Variants in ANXA4 observed in about 807,000 individuals in gnomAD.
ANXA4 encodes the protein annexin A4.
ANXA4 carries 39 observed loss-of-function variants against 49.8 expected under a neutral mutation model. That is an observed-to-expected ratio of 0.78 (90% CI 0.61 to 1.02). The LOEUF (loss-of-function observed/expected upper bound fraction) is 1.02. ANXA4 is among the 50% of genes least tolerant of loss of function. ANXA4 has a pLI of 0.00. For synonymous variants in ANXA4, 134 were observed against 152.5 expected, an observed-to-expected ratio of 0.88 and a Z score of 0.89; for missense variants, 360 against 410.1, an observed-to-expected ratio of 0.88 and a Z score of 1.05.
chr2:69,643,875 C>T (rs985831022), upstream of ANXA4: 25 of 1,176,248 alleles, frequency 2.1e-5, no homozygotes, highest in South Asian at 4.3e-5. Flanking sequence ...CGTTCTGTCG[C>T]CACGGATGGG....
chr2:69,684,830 C>T (rs1677729336), intron 2 of ANXA4, among the ~76,000 whole-genome samples: 1 of 152,020 alleles, frequency 6.6e-6, no homozygotes, highest in Non-Finnish European at 1.5e-5. Context: ...TTTTTCTCCA[C>T]ATGTTATCAG....
intron 10 of ANXA4, 78 bp downstream of exon 10, chr2:69,818,772 A>G (rs1674109400): frequency 2.2e-6 from 2 of 892,386 alleles, no homozygotes; most frequent in Non-Finnish European, 3.5e-6. Flanking sequence ...ATGGGGATAT[A>G]GAATTATTTT....
chr2:69,713,340 T>C (rs909880325), intron 2 of ANXA4, among the ~76,000 whole-genome samples: 1 of 151,986 alleles, frequency 6.6e-6, no homozygotes, highest in African/African-American at 2.4e-5. Flanking sequence ...TCACTCATTC[T>C]CCCCAAGGAA....
At chr2:69,716,934 C>A (rs889147849) in intron 2 of ANXA4, among the ~76,000 whole-genome samples, 1 of 152,204 alleles carries the variant, frequency 6.6e-6, no homozygotes, top group Non-Finnish European at 1.5e-5. Context: ...CTACTACTGG[C>A]CAAGCACTGT....
chr2:69,759,129 CAAAAAAAAA>C lies in ANXA4; in HGVS notation c.-47+16965_-47+16973del, dbSNP rs35878649. Among the ~76,000 whole-genome samples the C allele has an allele frequency of 2.5e-5, 3 of 118,848 alleles. No individual in the cohort carries two copies. The South Asian group carries it at 8.5e-4, about 34-fold the overall frequency. 78.0% of individuals were successfully genotyped at this position (118,848 alleles called of 152,430 possible). A position where few individuals can be genotyped will look rare whatever the true frequency, so the allele number is the denominator to read the frequency against. On this transcript the variant is annotated intron_variant, in intron 1 of 12. Transcript: ENST00000394295. ...CCAGCGACAGAGAGAGACTCTGTCTCAAAAAAAAAAAAAAAAAAAGATTATAATTCTGAG... is the reference window on the plus strand; with the variant it reads ...CCAGCGACAGAGAGAGACTCTGTCTCAAAAAAAAAAGATTATAATTCTGAG...
chr2:69,820,847 A>G (rs1484387303), intron 12 of ANXA4, 26 bp downstream of exon 12: 4 of 1,610,574 alleles, frequency 2.5e-6, no homozygotes, highest in African/African-American at 1.3e-5. Flanking sequence ...CTAAGTCCAG[A>G]GTAAAGGATC....
At chr2:69,667,529 G>T (rs1021946433) in intron 2 of ANXA4, among the ~76,000 whole-genome samples, 1 of 152,044 alleles carries the variant, frequency 6.6e-6, no homozygotes, top group Non-Finnish European at 1.5e-5. Context: ...TCAGTCCGAT[G>T]TACAAAATAC....
chr2:69,698,335 GA>G lies in ANXA4; in HGVS notation n.767-22437del, dbSNP rs200142467. Among the ~76,000 whole-genome samples the G allele has an allele frequency of 6.1e-3, 926 of 152,312 alleles. 22 individuals carry two copies. Among genetic ancestry groups the G allele is most frequent in the Admixed American group, 9.7e-3 (149 of 15,296 alleles). On this transcript the variant is annotated intron_variant and non_coding_transcript_variant, in intron 2 of 3. Transcript: ENST00000418066. ...ACAAACATTCAGTCTATAGCAGATG[GA>G]AGATGAAGCCCAGCTTTCTAGGAAG...
chr2:69,689,074 TCATACGA>T (rs1330447917), intron 2 of ANXA4, among the ~76,000 whole-genome samples: 1 of 152,184 alleles, frequency 6.6e-6, no homozygotes, highest in Non-Finnish European at 1.5e-5. Flanking sequence ...ATATTGTGGT[TCATACGA>T]CATTTTCTTT....
intron 3 of ANXA4, among the ~76,000 whole-genome samples, chr2:69,795,164 C>A (rs1672891525): frequency 6.6e-6 from 1 of 152,158 alleles, no homozygotes; most frequent in Non-Finnish European, 1.5e-5. Context: ...CTACATACTG[C>A]AAGACCCTGA....
chr2:69,782,040 C>G (rs928112421), intron 2 of ANXA4, among the ~76,000 whole-genome samples: 3 of 152,052 alleles, frequency 2.0e-5, no homozygotes, highest in Non-Finnish European at 2.9e-5. Flanking sequence ...CACCTTGGAC[C>G]TTGGTTATTT....
chr2:69,771,123 A>G (rs1348708502), intron 1 of ANXA4, among the ~76,000 whole-genome samples: 1 of 151,658 alleles, frequency 6.6e-6, no homozygotes, highest in Non-Finnish European at 1.5e-5. Flanking sequence ...AAAAAAAAAA[A>G]AAGAAAGGAA....
intron 2 of ANXA4, among the ~76,000 whole-genome samples, chr2:69,661,704 A>G (rs1033961303): frequency 6.6e-6 from 1 of 152,192 alleles, no homozygotes; most frequent in Non-Finnish European, 1.5e-5. Flanking sequence ...AACCAGTAGT[A>G]GGGAAAACCA....
Position 69,678,323 on chromosome 2 carries a change from G to A in ANXA4, n.766+25041G>A, listed in dbSNP as rs1465091632. On this transcript the variant is annotated intron_variant and non_coding_transcript_variant, in intron 2 of 3. Transcript: ENST00000418066. ...ATTACAAATATTTTTACAACTTTTG[G>A]TTTATGTTGCTAAATTGCTTTTTTT... Among the ~76,000 whole-genome samples, 4 of 140,412 alleles carry A rather than the reference G, an allele frequency of 2.8e-5. No homozygotes were observed. The East Asian group carries it at 8.4e-4, about 29-fold the overall frequency. 92.1% of individuals were successfully genotyped at this position (140,412 alleles called of 152,430 possible). A position where few individuals can be genotyped will look rare whatever the true frequency, so the allele number is the denominator to read the frequency against.
intron 2 of ANXA4, among the ~76,000 whole-genome samples, chr2:69,688,749 T>G (rs1399475659): frequency 2.6e-5 from 4 of 152,242 alleles, no homozygotes; most frequent in African/African-American, 9.6e-5. Flanking sequence ...ATTGTTATTT[T>G]TATTAATATT....
chr2:69,755,355 C>T (rs891595305), intron 1 of ANXA4, among the ~76,000 whole-genome samples: 1 of 152,226 alleles, frequency 6.6e-6, no homozygotes, highest in Non-Finnish European at 1.5e-5. Flanking sequence ...AACAGTGGCT[C>T]ACGCCTGTAA....
chr2:69,726,794 G>A (rs1422894084), intron 3 of ANXA4, among the ~76,000 whole-genome samples: 3 of 152,088 alleles, frequency 2.0e-5, no homozygotes, highest in Admixed American at 6.5e-5. Flanking sequence ...TAACATCCAC[G>A]TTGTTGTGTG....
At chr2:69,719,693 C>T (rs1669766643) in intron 2 of ANXA4, among the ~76,000 whole-genome samples, 1 of 152,116 alleles carries the variant, frequency 6.6e-6, no homozygotes, top group Admixed American at 6.5e-5. Flanking sequence ...CCTGCCTCAG[C>T]CTCCCAAAGT....
intron 4 of ANXA4, among the ~76,000 whole-genome samples, chr2:69,805,775 C>T (rs1673421697): frequency 6.6e-6 from 1 of 152,080 alleles, no homozygotes; most frequent in Non-Finnish European, 1.5e-5. Flanking sequence ...GTTCCTTTAC[C>T]TCTTAAATTT....
Sources: gnomAD v4.1 joint callset for allele counts (sites outside exome capture counted in the v4.1 genomes callset) on GRCh38, gnomAD v4.1.1 for gene constraint, MANE v1.5 for transcripts, NCBI Gene and HGNC (gene_info 2026-07-23, HGNC 2026-07-21) for gene names.